EIF4G3: variants seen among roughly 807,000 people sequenced by gnomAD.
EIF4G3 encodes the protein eukaryotic translation initiation factor 4 gamma 3.
EIF4G3 carries 34 observed loss-of-function variants against 186.4 expected under a neutral mutation model. The ratio of observed to expected loss-of-function variants is 0.18; its 90% confidence interval spans 0.14 to 0.24. The LOEUF is 0.24. Among genes scored for constraint, EIF4G3 ranks in the 10% least tolerant of loss-of-function variants. The probability of loss-of-function intolerance (pLI) is 1.00; values close to 1 mark genes in which losing one functional copy is unlikely to be tolerated. For missense variants in EIF4G3, 1,536 were observed against 1,948.5 expected, an observed-to-expected ratio of 0.79 and a Z score of 3.99; for synonymous variants, 673 against 679.5, an observed-to-expected ratio of 0.99 and a Z score of 0.15.
chr1:20,809,241 G>A (rs1486703932), intron 36 of EIF4G3, among the ~76,000 whole-genome samples: 1 of 152,046 alleles, frequency 6.6e-6, no homozygotes, highest in Non-Finnish European at 1.5e-5. Flanking sequence ...TTTTTAAAAA[G>A]ACTTATCTTT....
chr1:21,143,462 T>C (rs1281405144), intron 2 of EIF4G3, among the ~76,000 whole-genome samples: 1 of 152,076 alleles, frequency 6.6e-6, no homozygotes, highest in Non-Finnish European at 1.5e-5. Context: ...AGTTAAAATT[T>C]AAAATGCTGT....
At chr1:20,940,232 A>G (rs2095665789) in intron 14 of EIF4G3, among the ~76,000 whole-genome samples, 1 of 152,192 alleles carries the variant, frequency 6.6e-6, no homozygotes, top group South Asian at 2.1e-4. Context: ...AAGTTTCCTA[A>G]AACAGTGATG....
At chr1:20,879,840 G>C (rs2081827064) in intron 19 of EIF4G3, among the ~76,000 whole-genome samples, 2 of 152,002 alleles carry the variant, frequency 1.3e-5, no homozygotes, top group South Asian at 4.1e-4. Context: ...CTTTGAACCA[G>C]TAATTACACT....
At chr1:20,916,061 T>C (rs2093828094) in intron 14 of EIF4G3, among the ~76,000 whole-genome samples, 2 of 152,152 alleles carry the variant, frequency 1.3e-5, no homozygotes, top group South Asian at 2.1e-4. Flanking sequence ...TATTTCCATA[T>C]ACTAGTAACA....
chr1:21,039,495 T>C (rs1219910754), intron 4 of EIF4G3, among the ~76,000 whole-genome samples: 1 of 152,182 alleles, frequency 6.6e-6, no homozygotes, highest in Non-Finnish European at 1.5e-5. Context: ...AATTAGACTT[T>C]ATCAAAATTA....
intron 2 of EIF4G3, among the ~76,000 whole-genome samples, chr1:21,130,216 CTTTTTTTTTTTT>C (rs71014159): frequency 4.0e-5 from 3 of 75,350 alleles, no homozygotes; most frequent in East Asian, 5.0e-4. Context: ...GACCCCATCT[CTTTTTTTTTTTT>C]TTTTTTTTTT....
chr1:21,006,479 A>G (rs750507073), intron 4 of EIF4G3, among the ~76,000 whole-genome samples: 6 of 152,230 alleles, frequency 3.9e-5, no homozygotes, highest in Non-Finnish European at 8.8e-5. Flanking sequence ...AATCCAGTAT[A>G]CTGTCCAAGT....
Position 20,817,456 on chromosome 1 carries a change from T to A in EIF4G3, c.4451A>T (p.Lys1484Met). 1 of 1,608,994 alleles carries A rather than the reference T, an allele frequency of 6.2e-7. No individual in the cohort carries two copies. The highest frequency in any genetic ancestry group is 1.1e-5 in the South Asian group (1 of 90,478). The part of the protein sequence containing the change: ...KKELSAEELY[K>M]RLEKLIIEDK... ...CTCAATAATGAGTTTCTCGAGTCGC[T>A]TATACAGCTCTTCGGCAGACAGTTC... Residue 1484 changes from lysine (K) to methionine (M), a missense_variant, in exon 34 of 37, where the codon AAG (lysine) becomes ATG (methionine). By Grantham distance (95) the Lys-to-Met change is moderately conservative. Coordinates refer to ENST00000602326, the MANE Select transcript of EIF4G3 (RefSeq NM_001391906.1).
At chr1:21,165,788 C>CA in intron 2 of EIF4G3, among the ~76,000 whole-genome samples, 1 of 151,958 alleles carries the variant, frequency 6.6e-6, no homozygotes, top group Non-Finnish European at 1.5e-5. Flanking sequence ...TGAATATACC[C>CA]AAAACCACTG....
chr1:20,861,077 T>C (rs956797358), intron 23 of EIF4G3, among the ~76,000 whole-genome samples: 1 of 152,178 alleles, frequency 6.6e-6, no homozygotes, highest in African/African-American at 2.4e-5. Context: ...ACAAAATAAG[T>C]TGTCACTTTA....
intron 2 of EIF4G3, among the ~76,000 whole-genome samples, chr1:21,157,387 A>T (rs918598400): frequency 6.6e-6 from 1 of 151,790 alleles, no homozygotes; most frequent in Admixed American, 6.6e-5. Flanking sequence ...TTTTTTTTTA[A>T]GAGAAGATCT....
At chr1:20,813,566 C>A (rs1322064402) in intron 34 of EIF4G3, among the ~76,000 whole-genome samples, 1 of 149,924 alleles carries the variant, frequency 6.7e-6, no homozygotes, top group East Asian at 2.0e-4. Context: ...GAGACCTTGT[C>A]TTGAGAAAAC....
chr1:21,093,821 G>A (rs2096274344), intron 2 of EIF4G3, among the ~76,000 whole-genome samples: 1 of 152,020 alleles, frequency 6.6e-6, no homozygotes, highest in Non-Finnish European at 1.5e-5. Context: ...GGATGAAGCT[G>A]GAAACCATCA....
chr1:21,167,407 G>A (rs10916945), intron 2 of EIF4G3, among the ~76,000 whole-genome samples: 49,109 of 151,962 alleles, frequency 0.32, 8,847 homozygotes, highest in Non-Finnish European at 0.41. Context: ...GATGGCTCAC[G>A]CCTGTAATCC....
chr1:21,078,532 C>A (rs2095659686), intron 3 of EIF4G3, among the ~76,000 whole-genome samples: 1 of 152,114 alleles, frequency 6.6e-6, no homozygotes, highest in East Asian at 1.9e-4. Context: ...TAAGTTCTAG[C>A]GTTAGCAGAG....
intron 4 of EIF4G3, among the ~76,000 whole-genome samples, chr1:21,041,066 T>G (rs890886308): frequency 8.5e-5 from 13 of 152,328 alleles, no homozygotes; most frequent in African/African-American, 3.1e-4. Flanking sequence ...GCACCAGTCA[T>G]TCACTGCTCA....
Position 20,899,808 on chromosome 1 carries a change from C to T in EIF4G3, c.1888G>A (p.Ala630Thr), listed in dbSNP as rs376290938. Reference sequence around the variant, plus strand: ...TCAGCACCATTACGTACTGGCTCAGCTTCTTCTCCATTTTCTTCCACAGCT... The same window carrying T: ...TCAGCACCATTACGTACTGGCTCAGTTTCTTCTCCATTTTCTTCCACAGCT... The part of the protein sequence containing the change: ...VKAVEENGEE[A>T]EPVRNGAESV... Residue 630 changes from alanine to threonine, a missense_variant, in exon 16 of 37, where the codon GCT becomes ACT. This residue lies in a region of EIF4G3 where 560 missense variants were observed against 547.8 expected (regional missense o/e 1.02). Transcript: ENST00000602326. 3.7e-6 allele frequency: 6 copies of T among 1,614,130 alleles called. No individual in the cohort carries two copies. The highest frequency in any genetic ancestry group is 1.6e-4 in the Middle Eastern group (1 of 6,062).
intron 34 of EIF4G3, among the ~76,000 whole-genome samples, chr1:20,815,628 C>G (rs1042705684): frequency 4.0e-5 from 6 of 150,276 alleles, no homozygotes; most frequent in Admixed American, 3.3e-4. Context: ...CGCCCGGCAG[C>G]CACCCCGTCC....
At chr1:20,979,003 G>C (rs1435704165) in intron 10 of EIF4G3, among the ~76,000 whole-genome samples, 16 of 151,966 alleles carry the variant, frequency 1.1e-4, no homozygotes, top group Admixed American at 1.0e-3. Flanking sequence ...CTGGTTAATG[G>C]ATAAGTTATC....
Sources: allele counts gnomAD v4.1 joint callset (sites outside exome capture counted in the v4.1 genomes callset), GRCh38; gene constraint gnomAD v4.1.1; regional missense constraint gnomAD v4.1.1; transcripts MANE v1.5; gene names NCBI Gene and HGNC (gene_info 2026-07-23, HGNC 2026-07-21).